CACNA2D3: variants seen among roughly 807,000 people sequenced by gnomAD.
CACNA2D3 encodes the protein calcium voltage-gated channel auxiliary subunit alpha2delta 3.
Under a neutral mutation model 160.6 loss-of-function variants are expected in CACNA2D3, and 60 were observed. The ratio of observed to expected loss-of-function variants is 0.37; its 90% confidence interval spans 0.30 to 0.46. The LOEUF is 0.46. Ranked by LOEUF, CACNA2D3 falls within the 20% of genes least tolerant of loss-of-function variation. The pLI is 1.00. For synonymous variants in CACNA2D3, 558 were observed against 492.9 expected, an observed-to-expected ratio of 1.13 and a Z score of -1.75; for missense variants, 1,205 against 1,365.0, an observed-to-expected ratio of 0.88 and a Z score of 1.85.
chr3:54,591,858 C>T (rs942629654), intron 9 of CACNA2D3, among the ~76,000 whole-genome samples: 2 of 151,934 alleles, frequency 1.3e-5, no homozygotes. Flanking sequence ...GTCTTCTGTC[C>T]TGAGTTAAAG....
chr3:54,742,430 A>C (rs1348894929), intron 11 of CACNA2D3, among the ~76,000 whole-genome samples: 1 of 152,086 alleles, frequency 6.6e-6, no homozygotes, highest in Non-Finnish European at 1.5e-5. Context: ...AAAATAATAA[A>C]TAAATAAATA....
chr3:54,144,379 G>T (rs1699987908), intron 2 of CACNA2D3, among the ~76,000 whole-genome samples: 1 of 152,178 alleles, frequency 6.6e-6, no homozygotes, highest in Non-Finnish European at 1.5e-5. Flanking sequence ...TACTGATTAT[G>T]CCCCTCAGAG....
At chr3:54,792,664 C>T (rs1425988726) in intron 13 of CACNA2D3, among the ~76,000 whole-genome samples, 2 of 152,082 alleles carry the variant, frequency 1.3e-5, no homozygotes, top group African/African-American at 4.8e-5. Flanking sequence ...CAGTATAGCC[C>T]TCTGCCCTCA....
chr3:54,839,182 T>C (rs1460103731), intron 16 of CACNA2D3, among the ~76,000 whole-genome samples: 2 of 151,916 alleles, frequency 1.3e-5, no homozygotes, highest in East Asian at 1.9e-4. Flanking sequence ...GGCGTGAACC[T>C]AGGAGGCGGA....
At chr3:54,338,948 C>A (rs1209866842) in intron 3 of CACNA2D3, among the ~76,000 whole-genome samples, 1 of 152,156 alleles carries the variant, frequency 6.6e-6, no homozygotes, top group East Asian at 1.9e-4. Context: ...TTCCAGCATC[C>A]CAGTAGCCAG....
intron 2 of CACNA2D3, among the ~76,000 whole-genome samples, chr3:54,287,842 A>T (rs543860983): frequency 6.6e-6 from 1 of 150,406 alleles, no homozygotes; most frequent in South Asian, 2.2e-4. Context: ...TACAGAACGA[A>T]ATGAAGGCAG....
intron 27 of CACNA2D3, among the ~76,000 whole-genome samples, chr3:54,955,226 A>G (rs929765493): frequency 1.3e-5 from 2 of 152,114 alleles, no homozygotes; most frequent in African/African-American, 4.8e-5. Flanking sequence ...CCTGGAGGAG[A>G]CGGGCAGACA....
chr3:54,428,655 A>G (rs557695982), intron 4 of CACNA2D3, among the ~76,000 whole-genome samples: 2 of 152,150 alleles, frequency 1.3e-5, no homozygotes, highest in East Asian at 1.9e-4. Context: ...TCTGCTATCA[A>G]CGATCTCTTT....
At chr3:54,854,348 G>T (rs565711056) in intron 17 of CACNA2D3, among the ~76,000 whole-genome samples, 4 of 152,208 alleles carry the variant, frequency 2.6e-5, no homozygotes, top group Non-Finnish European at 5.9e-5. Context: ...GTCTGGGCAC[G>T]AGTGGACAGA....
chr3:54,299,160 T>A (rs1014540505), intron 2 of CACNA2D3, among the ~76,000 whole-genome samples: 1 of 151,628 alleles, frequency 6.6e-6, no homozygotes, highest in South Asian at 2.1e-4. Context: ...TGGTTTGTAG[T>A]GGGAGTCATG....
At chr3:54,299,122 C>T (rs1424399481) in intron 2 of CACNA2D3, among the ~76,000 whole-genome samples, 2 of 151,962 alleles carry the variant, frequency 1.3e-5, no homozygotes, top group African/African-American at 2.4e-5. Flanking sequence ...CCTTTTGATA[C>T]CTCACTGGCT....
rs1464869089 is a variant in CACNA2D3 at position 54,199,475 on chromosome 3, G to A, written c.204+75881G>A. Among the ~76,000 whole-genome samples, 6 of 151,990 alleles carry A rather than the reference G, an allele frequency of 3.9e-5. No homozygotes were observed. In the South Asian group the frequency reaches 8.3e-4, roughly 21 times the overall value. ...ACGTGCCAGGCTCAAGCGATCCCCA[G>A]CCTCCTGAGTAGCCGAGACCACAGG... is the stretch of plus-strand genomic sequence containing the variant. On this transcript the variant is annotated intron_variant, in intron 2 of 37. Transcript: ENST00000474759.
intron 11 of CACNA2D3, among the ~76,000 whole-genome samples, chr3:54,653,635 C>T (rs1290424410): frequency 6.6e-6 from 1 of 152,186 alleles, no homozygotes; most frequent in African/African-American, 2.4e-5. Context: ...TGGTATTAGA[C>T]ATCTTGTGAC....
intron 3 of CACNA2D3, among the ~76,000 whole-genome samples, chr3:54,321,918 C>A (rs1704007516): frequency 1.1e-5 from 1 of 92,330 alleles, no homozygotes. Context: ...TTCTGAAATC[C>A]TTGCAAAAAA....
At chr3:54,291,103 A>T (rs1046554487) in intron 2 of CACNA2D3, among the ~76,000 whole-genome samples, 1 of 152,222 alleles carries the variant, frequency 6.6e-6, no homozygotes. Flanking sequence ...ATGGATGGAA[A>T]ACATCGTGGC....
intron 35 of CACNA2D3, among the ~76,000 whole-genome samples, chr3:55,049,887 T>C (rs1026291956): frequency 1.3e-5 from 2 of 151,060 alleles, no homozygotes; most frequent in Non-Finnish European, 2.9e-5. Flanking sequence ...TGATCTTTGT[T>C]GGTTTAAAGT....
At chr3:55,058,538 C>T (rs73845262) in intron 35 of CACNA2D3, among the ~76,000 whole-genome samples, 3,755 of 151,792 alleles carry the variant, frequency 0.025, 161 homozygotes, top group African/African-American at 0.085. Flanking sequence ...AGTTTCACTC[C>T]GGTTTTAGTT....
intron 2 of CACNA2D3, among the ~76,000 whole-genome samples, chr3:54,169,675 ATGTG>A (rs918806453): frequency 2.0e-5 from 3 of 146,452 alleles, no homozygotes; most frequent in Non-Finnish European, 3.0e-5. Context: ...GCGTGCTTGT[ATGTG>A]TGTGTATGTG....
At chr3:54,164,210 C>T (rs936292652) in intron 2 of CACNA2D3, among the ~76,000 whole-genome samples, 5 of 152,160 alleles carry the variant, frequency 3.3e-5, no homozygotes, top group Non-Finnish European at 5.9e-5. Flanking sequence ...AGGGTAGGCC[C>T]GGCTGTCCCC....
Sources: allele counts gnomAD v4.1 joint callset (sites outside exome capture counted in the v4.1 genomes callset), GRCh38; gene constraint gnomAD v4.1.1; transcripts MANE v1.5; gene names NCBI Gene and HGNC (gene_info 2026-07-23, HGNC 2026-07-21).